The following APBB2 variants were observed in gnomAD, a reference collection of about 807,000 sequenced individuals.
The protein encoded by APBB2 is amyloid beta precursor protein binding family B member 2.
In APBB2, 38 loss-of-function variants were observed where a neutral mutation model predicts 82.5. That is an observed-to-expected ratio of 0.46 (90% CI 0.36 to 0.60). The LOEUF is 0.60. Ranked by LOEUF, APBB2 falls within the 20% of genes least tolerant of loss-of-function variation. The pLI, the probability that APBB2 is intolerant of heterozygous loss-of-function variation, is 0.00. For missense variants in APBB2, 772 were observed against 972.3 expected, an observed-to-expected ratio of 0.79 and a Z score of 2.74; for synonymous variants, 341 against 368.2, an observed-to-expected ratio of 0.93 and a Z score of 0.85.
At chr4:41,202,935 A>G (rs1265332424) in intron 1 of APBB2, among the ~76,000 whole-genome samples, 1 of 152,218 alleles carries the variant, frequency 6.6e-6, no homozygotes, top group Non-Finnish European at 1.5e-5. Flanking sequence ...AAAATTGTAT[A>G]TATACTCCAA....
intron 6 of APBB2, among the ~76,000 whole-genome samples, chr4:41,004,617 A>G (rs1004955349): frequency 1.6e-4 from 25 of 151,954 alleles, no homozygotes; most frequent in African/African-American, 5.8e-4. Flanking sequence ...CGGGTGGATC[A>G]TGAGGTCAGG....
intron 17 of APBB2, among the ~76,000 whole-genome samples, chr4:40,820,539 C>T (rs1747490648): frequency 6.6e-6 from 1 of 152,004 alleles, no homozygotes; most frequent in Admixed American, 6.6e-5. Flanking sequence ...GTGGCAGGTG[C>T]CTGTAATCCC....
intron 17 of APBB2, 82 bp from the exon 18 acceptor site, chr4:40,816,341 A>G (rs1745635780): frequency 6.9e-7 from 1 of 1,453,682 alleles, no homozygotes; most frequent in Non-Finnish European, 9.5e-7. Context: ...ATGACCCATA[A>G]TACATTGACT....
At chr4:40,879,262 T>C (rs941265585) in intron 12 of APBB2, among the ~76,000 whole-genome samples, 5 of 151,780 alleles carry the variant, frequency 3.3e-5, no homozygotes, top group African/African-American at 1.2e-4. Context: ...AAGCAGGAAC[T>C]CTTGGCTCCC....
At chr4:40,866,554 C>T (rs1006228995) in intron 12 of APBB2, among the ~76,000 whole-genome samples, 26 of 152,078 alleles carry the variant, frequency 1.7e-4, no homozygotes, top group African/African-American at 6.3e-4. Context: ...GAGATATCAG[C>T]TACATTAGAA....
chr4:40,937,490 C>T (rs1785669271), intron 7 of APBB2, among the ~76,000 whole-genome samples: 1 of 152,192 alleles, frequency 6.6e-6, no homozygotes, highest in Non-Finnish European at 1.5e-5. Context: ...GTTATGGAAA[C>T]ATGAGTTAGA....
chr4:40,924,027 C>T (rs756116586), intron 10 of APBB2, among the ~76,000 whole-genome samples: 41 of 152,216 alleles, frequency 2.7e-4, no homozygotes, highest in Non-Finnish European at 4.3e-4. Flanking sequence ...CACCACTCAA[C>T]GGAAAAGCAG....
chr4:40,864,529 C>T (rs1763583771), intron 12 of APBB2, among the ~76,000 whole-genome samples: 1 of 152,210 alleles, frequency 6.6e-6, no homozygotes, highest in Non-Finnish European at 1.5e-5. Context: ...TCTTCCTGTT[C>T]TGCCCTGTAA....
intron 13 of APBB2, 78 bp from the exon 14 acceptor site, chr4:40,827,297 T>A: frequency 1.6e-6 from 2 of 1,267,750 alleles, no homozygotes; most frequent in Non-Finnish European, 2.3e-6. Flanking sequence ...GTAAAGTGTC[T>A]AGGTTGACTT....
At chr4:41,114,147 T>C (rs1176397384) in intron 2 of APBB2, 1 of 152,274 alleles carries the variant, frequency 6.6e-6, no homozygotes, top group Admixed American at 6.5e-5. Flanking sequence ...GCTTCATCCC[T>C]GAGAAGCAAG....
intron 3 of APBB2, among the ~76,000 whole-genome samples, chr4:41,079,323 G>C (rs752026289): frequency 2.6e-5 from 4 of 152,134 alleles, no homozygotes; most frequent in Admixed American, 1.3e-4. Flanking sequence ...GCTAGTCTCT[G>C]TTGCTTCTAT....
At chr4:41,020,802 T>C (rs921473427) in intron 5 of APBB2, among the ~76,000 whole-genome samples, 7 of 152,200 alleles carry the variant, frequency 4.6e-5, no homozygotes, top group Admixed American at 2.6e-4. Context: ...AAATAGACTC[T>C]GGCAGCAGTG....
intron 1 of APBB2, among the ~76,000 whole-genome samples, chr4:41,206,068 G>A (rs185184617): frequency 6.6e-6 from 1 of 152,208 alleles, no homozygotes; most frequent in East Asian, 1.9e-4. Context: ...AAATGTCACT[G>A]CCAAATGTTC....
Position 41,127,137 on chromosome 4 carries a change from A to C in APBB2, c.-261+15850T>G, listed in dbSNP as rs1754624589. On this transcript the variant is annotated intron_variant, in intron 2 of 17. Coordinates refer to ENST00000508593, the MANE Select transcript of APBB2 (RefSeq NM_004307.2). The surrounding 1 kb of genome is among the most constrained non-coding windows in gnomAD (Gnocchi z 4.8). The stretch of plus-strand genomic sequence containing the variant: ...TTCTAATATAATGAAAGGATACTAC[A>C]TTCTACAATGTCCCAATGACACCCT... 6.6e-6 allele frequency among the ~76,000 whole-genome samples: 1 copy of C among 152,138 alleles called. No individual in the cohort carries two copies. Among genetic ancestry groups the C allele is most frequent in the Admixed American group, 6.5e-5 (1 of 15,288 alleles).
intron 10 of APBB2, among the ~76,000 whole-genome samples, chr4:40,930,347 CTT>C (rs1783761414): frequency 1.3e-5 from 2 of 152,012 alleles, no homozygotes; most frequent in African/African-American, 4.8e-5. Flanking sequence ...AGTACAAAGA[CTT>C]TACTGCATAA....
chr4:41,207,626 C>G (rs1367623424), intron 1 of APBB2, among the ~76,000 whole-genome samples: 1 of 152,166 alleles, frequency 6.6e-6, no homozygotes, highest in Non-Finnish European at 1.5e-5. Flanking sequence ...CATTCTCAAG[C>G]TATAATTCAA....
chr4:41,187,256 A>AT (rs1221909538), intron 1 of APBB2, among the ~76,000 whole-genome samples: 14 of 152,286 alleles, frequency 9.2e-5, no homozygotes, highest in African/African-American at 2.9e-4. Context: ...ATTTCAGGTG[A>AT]TTTTTTAAAA....
intron 10 of APBB2, among the ~76,000 whole-genome samples, chr4:40,907,319 T>A (rs1172818776): frequency 6.8e-6 from 1 of 146,034 alleles, no homozygotes; most frequent in Non-Finnish European, 1.5e-5. Context: ...AGGACTGATA[T>A]GCTTTATTTA....
At chr4:41,130,074 C>T (rs2256007) in intron 2 of APBB2, among the ~76,000 whole-genome samples, 108,691 of 152,070 alleles carry the variant, frequency 0.71, 39,436 homozygotes, top group East Asian at 0.89. Context: ...GGGAAGAGAA[C>T]ACAAGAAGAA....
Sources: allele counts gnomAD v4.1 joint callset (sites outside exome capture counted in the v4.1 genomes callset), GRCh38; gene constraint gnomAD v4.1.1; non-coding constraint Gnocchi (gnomAD v3.1); transcripts MANE v1.5; gene names NCBI Gene and HGNC (gene_info 2026-07-23, HGNC 2026-07-21).